Variants in FRMD4A observed in about 807,000 individuals in gnomAD.
The protein encoded by FRMD4A is FERM domain containing 4A.
FRMD4A carries 29 observed loss-of-function variants against 129.1 expected under a neutral mutation model. That is an observed-to-expected ratio of 0.22 (90% CI 0.17 to 0.31). The LOEUF is 0.31. FRMD4A is among the 10% of genes least tolerant of loss of function. The pLI is 1.00. For synonymous variants in FRMD4A, 634 were observed against 571.6 expected (o/e 1.11, Z -1.56); for missense variants, 1,272 against 1,375.8 (o/e 0.92, Z 1.19).
chr10:13,825,729 C>T (rs2093691710), intron 3 of FRMD4A, among the ~76,000 whole-genome samples: 1 of 152,184 alleles, frequency 6.6e-6, no homozygotes, highest in Non-Finnish European at 1.5e-5. Flanking sequence ...TCTCCTCATG[C>T]TACTCAGAAT....
At chr10:14,129,371 CATATATATATATATATATATATATAT>C (rs3033977) in intron 2 of FRMD4A, among the ~76,000 whole-genome samples, 1 of 46,202 alleles carries the variant, frequency 2.2e-5, no homozygotes, top group African/African-American at 8.2e-5. Flanking sequence ...AATTATGATT[CATATATATATATATATATATATATAT>C]ATATATATAT....
At chr10:13,926,249 T>C (rs2095132380) in intron 2 of FRMD4A, among the ~76,000 whole-genome samples, 1 of 152,214 alleles carries the variant, frequency 6.6e-6, no homozygotes. Flanking sequence ...TGAACACAGA[T>C]TCCTAGAAGA....
At chr10:13,804,027 C>A (rs970439836) in intron 4 of FRMD4A, among the ~76,000 whole-genome samples, 2 of 152,216 alleles carry the variant, frequency 1.3e-5, no homozygotes, top group Non-Finnish European at 2.9e-5. Flanking sequence ...TAGCTGCACA[C>A]AGAAAGAGCT....
At chr10:14,233,464 C>T (rs1031190663) in intron 2 of FRMD4A, among the ~76,000 whole-genome samples, 2 of 152,180 alleles carry the variant, frequency 1.3e-5, no homozygotes, top group East Asian at 3.9e-4. Flanking sequence ...ATCCCAGCTA[C>T]TCAGGAGTCT....
intron 2 of FRMD4A, among the ~76,000 whole-genome samples, chr10:14,280,174 G>A (rs1462102911): frequency 1.3e-5 from 2 of 152,192 alleles, no homozygotes; most frequent in East Asian, 1.9e-4. Context: ...GCGATGTGGT[G>A]GTGGAGCAAA....
rs1326898917 is a variant in FRMD4A, at chr10:13,660,439, C to T, written c.1775G>A (p.Arg592Gln). ...PPPPQSLEGL[R>Q]QMHYHRNDYD... is the part of the protein sequence containing the mutation. ...GTCGTTGCGGTGATAGTGCATCTGTCGGAGTCCCTCCAGGGACTGGGGAGG... is the reference window on the plus strand; with the variant it reads ...GTCGTTGCGGTGATAGTGCATCTGTTGGAGTCCCTCCAGGGACTGGGGAGG... Residue 592 changes from arginine to glutamine, a missense_variant, in exon 20 of 25, where the codon CGA becomes CAA. Coordinates refer to ENST00000357447, the MANE Select transcript of FRMD4A (RefSeq NM_018027.5). 8 of 1,613,876 alleles carry T rather than the reference C, an allele frequency of 5.0e-6. No homozygotes were observed. Among genetic ancestry groups the T allele is most frequent in the African/African-American group, 2.7e-5 (2 of 74,886 alleles).
chr10:13,704,598 G>A (rs899024441), intron 13 of FRMD4A, among the ~76,000 whole-genome samples: 1 of 152,084 alleles, frequency 6.6e-6, no homozygotes, highest in African/African-American at 2.4e-5. Context: ...CAGGCCTCTG[G>A]TGACCCTGTC....
intron 6 of FRMD4A, among the ~76,000 whole-genome samples, chr10:13,782,337 A>C (rs1160365441): frequency 2.0e-5 from 3 of 152,174 alleles, no homozygotes; most frequent in African/African-American, 7.2e-5. Context: ...TTGACAAAGA[A>C]ATCTTTAAAA....
At chr10:14,122,433 G>A (rs1025597896) in intron 2 of FRMD4A, among the ~76,000 whole-genome samples, 1 of 152,054 alleles carries the variant, frequency 6.6e-6, no homozygotes, top group Non-Finnish European at 1.5e-5. Context: ...CTGAGATTGG[G>A]TAATTTATAA....
intron 2 of FRMD4A, among the ~76,000 whole-genome samples, chr10:13,933,327 G>A (rs2095218949): frequency 6.6e-6 from 1 of 152,156 alleles, no homozygotes; most frequent in Non-Finnish European, 1.5e-5. Flanking sequence ...CATACACCAA[G>A]TAACCAATGG....
Position 13,885,260 on chromosome 10 carries a change from T to C in FRMD4A, c.46-26348A>G, listed in dbSNP as rs887187282. Among the ~76,000 whole-genome samples the C allele has an allele frequency of 3.3e-5, 5 of 152,206 alleles. No individual in the cohort carries two copies. In the East Asian group the frequency reaches 7.7e-4, roughly 24 times the overall value. On this transcript the variant is annotated intron_variant, in intron 2 of 24. Coordinates refer to ENST00000357447, the MANE Select transcript of FRMD4A (RefSeq NM_018027.5). ...TCCCATACTTTTTGAGAGTTAGGCG[T>C]TTCACAGATATTAACTAATTTGCTC...
chr10:13,793,977 G>A (rs1055195718), intron 5 of FRMD4A, among the ~76,000 whole-genome samples: 1 of 152,100 alleles, frequency 6.6e-6, no homozygotes, highest in Non-Finnish European at 1.5e-5. Flanking sequence ...AGGGTGCTGG[G>A]ATCCTCTGTG....
intron 18 of FRMD4A, among the ~76,000 whole-genome samples, chr10:13,664,830 C>A (rs1012221232): frequency 8.5e-5 from 13 of 152,114 alleles, no homozygotes; most frequent in African/African-American, 3.1e-4. Flanking sequence ...CTGCCTCAGC[C>A]TCCTGAGTAG....
At chr10:14,301,533 T>C (rs958760774) in intron 2 of FRMD4A, among the ~76,000 whole-genome samples, 5 of 152,242 alleles carry the variant, frequency 3.3e-5, no homozygotes, top group Non-Finnish European at 2.9e-5. Context: ...AATTGTTTTC[T>C]GAATATACCC....
At chr10:13,868,056 C>A (rs1405538025) in intron 2 of FRMD4A, among the ~76,000 whole-genome samples, 2 of 149,876 alleles carry the variant, frequency 1.3e-5, no homozygotes, top group African/African-American at 4.9e-5. Flanking sequence ...GAGTTCGAGA[C>A]CAGCCTGGGC....
At chr10:13,956,227 A>T (rs2095409399) in intron 2 of FRMD4A, among the ~76,000 whole-genome samples, 1 of 152,116 alleles carries the variant, frequency 6.6e-6, no homozygotes, top group South Asian at 2.1e-4. Flanking sequence ...CTCTTGGCTC[A>T]CTGCAAACTC....
intron 16 of FRMD4A, 52 bp from the exon 17 acceptor site, chr10:13,670,580 T>A (rs757334040): frequency 6.3e-7 from 1 of 1,597,806 alleles, no homozygotes. Context: ...GTGGGGCGTG[T>A]CTGCTTCCTA....
chr10:14,162,630 G>GTTTTTTTTTTTTT (rs556368229), intron 2 of FRMD4A, among the ~76,000 whole-genome samples: 23 of 117,322 alleles, frequency 2.0e-4, no homozygotes, highest in African/African-American at 7.8e-4. Flanking sequence ...GAGTTTCTCT[G>GTTTTTTTTTTTTT]TTTTTTTTTT....
intron 2 of FRMD4A, among the ~76,000 whole-genome samples, chr10:13,990,764 A>C (rs909741593): frequency 1.4e-4 from 21 of 152,182 alleles, no homozygotes; most frequent in Non-Finnish European, 5.9e-5. Context: ...AAGTGCCAGA[A>C]TCCGCATTTG....
Sources: allele counts gnomAD v4.1 joint callset (sites outside exome capture counted in the v4.1 genomes callset), GRCh38; gene constraint gnomAD v4.1.1; transcripts MANE v1.5; gene names NCBI Gene and HGNC (gene_info 2026-07-23, HGNC 2026-07-21).